Variants in RNF212 observed in about 807,000 individuals in gnomAD.
RNF212 encodes ring finger protein 212.
A neutral mutation model predicts 34.7 loss-of-function variants in RNF212; 33 were observed. The observed-to-expected ratio is 0.95, with a 90% CI of 0.72 to 1.27. RNF212 has a LOEUF of 1.27. RNF212 is among the 50% of genes most tolerant of loss of function. The pLI is 0.00. For missense variants in RNF212, 377 were observed against 362.2 expected (o/e 1.04, Z -0.33); for synonymous variants, 140 against 136.1 (o/e 1.03, Z -0.20).
At chr4:1,079,530 T>C (rs1719980843) in intron 8 of RNF212, 113 bp downstream of exon 8, 2 of 792,020 alleles carry the variant, frequency 2.5e-6, no homozygotes, top group East Asian at 2.4e-5. Flanking sequence ...GCAGCAGCAC[T>C]GTGCAAAGTC....
intron 3 of RNF212, among the ~76,000 whole-genome samples, chr4:1,060,033 A>C (rs1320692548): frequency 6.9e-6 from 1 of 145,394 alleles, no homozygotes; most frequent in East Asian, 2.1e-4. Context: ...GGCGGAGGTT[A>C]GGTTGCAGTG....
chr4:1,101,741 T>C (rs1190491889), intron 2 of RNF212, among the ~76,000 whole-genome samples: 3 of 152,222 alleles, frequency 2.0e-5, no homozygotes. Flanking sequence ...GGCCCCATTA[T>C]GTTTCACCTT....
chr4:1,104,779 A>G lies in RNF212; in HGVS notation c.171+3564T>C, dbSNP rs955450708. Among the ~76,000 whole-genome samples, 7 of 152,230 alleles carry G rather than the reference A, an allele frequency of 4.6e-5. No homozygotes were observed. In the East Asian group the frequency reaches 5.8e-4, roughly 13 times the overall value. On this transcript the variant is annotated intron_variant, in intron 2 of 9. Transcript: ENST00000433731. ...CCCTCGGGTCCCGATTTGGCCTGCA[A>G]TCTATGAGCTAGAAAGACAATGAAC...
At position 1,058,077 on chromosome 4, in the gene RNF212, A is replaced by G. The variant is rs932223477; in HGVS notation, n.220+244T>C. Among the ~76,000 whole-genome samples, 11 of 152,282 alleles carry G rather than the reference A, an allele frequency of 7.2e-5. No individual in the cohort carries two copies. In the South Asian group the frequency reaches 8.3e-4, roughly 11 times the overall value. ...GACTCCGGCTAAAAAAAAAAAAAGC[A>G]AACTCTAAAGTGGTATATACAACAA... On this transcript the variant is annotated intron_variant and non_coding_transcript_variant, in intron 4 of 4. Coordinates refer to the RNF212 transcript ENST00000503206.
intron 1 of RNF212, among the ~76,000 whole-genome samples, chr4:1,109,256 C>T (rs540401425): frequency 1.3e-5 from 2 of 152,182 alleles, no homozygotes; most frequent in Non-Finnish European, 2.9e-5. Context: ...GATCAGCCCA[C>T]ATCGGTCTCT....
downstream of RNF212, among the ~76,000 whole-genome samples, chr4:1,067,974 C>G (rs1201521629): frequency 6.6e-6 from 1 of 151,980 alleles, no homozygotes; most frequent in Non-Finnish European, 1.5e-5. Context: ...TAAAGAAGCT[C>G]TAATCAATGG....
chr4:1,097,440 T>G (rs931566869), intron 2 of RNF212, among the ~76,000 whole-genome samples: 1 of 151,310 alleles, frequency 6.6e-6, no homozygotes, highest in Admixed American at 6.6e-5. Flanking sequence ...CCGTCTCTAC[T>G]AAAAATATAA....
intron 4 of RNF212, among the ~76,000 whole-genome samples, chr4:1,057,917 C>A (rs767451517): frequency 6.6e-6 from 1 of 152,084 alleles, no homozygotes; most frequent in Non-Finnish European, 1.5e-5. Flanking sequence ...CAAAATTAGC[C>A]GAGTGTGGTG....
chr4:1,113,663 G>A, upstream of RNF212: 2 of 478,522 alleles, frequency 4.2e-6, no homozygotes, highest in South Asian at 5.9e-5. Flanking sequence ...GAGGGCGCGT[G>A]TGACTCGTCT....
At chr4:1,100,294 CCAA>C (rs1181136936) in intron 2 of RNF212, 3 of 230,932 alleles carry the variant, frequency 1.3e-5, no homozygotes, top group South Asian at 6.2e-5. Flanking sequence ...CAGATCCATT[CCAA>C]CAACACTGAA....
chr4:1,106,025 A>C (rs1289268538), intron 2 of RNF212, among the ~76,000 whole-genome samples: 3 of 152,354 alleles, frequency 2.0e-5, no homozygotes, highest in South Asian at 2.1e-4. Flanking sequence ...TTACTCCTGG[A>C]AAGTTGGGAT....
At chr4:1,095,583 A>G (rs1722948775) in intron 3 of RNF212, among the ~76,000 whole-genome samples, 1 of 95,368 alleles carries the variant, frequency 1.0e-5, no homozygotes, top group African/African-American at 6.5e-5. Context: ...CCACAGCTCC[A>G]TGGTCTCAGC....
At chr4:1,064,168 G>A (rs994848092) in intron 3 of RNF212, among the ~76,000 whole-genome samples, 7 of 152,102 alleles carry the variant, frequency 4.6e-5, no homozygotes, top group African/African-American at 1.2e-4. Flanking sequence ...AGGAAATAAT[G>A]ACAACACCAT....
At chr4:1,110,285 A>C (rs1347669624) in intron 1 of RNF212, among the ~76,000 whole-genome samples, 1 of 152,202 alleles carries the variant, frequency 6.6e-6, no homozygotes, top group Admixed American at 6.5e-5. Context: ...AACAGCCAAT[A>C]AACACACAAA....
chr4:1,099,309 C>T (rs1422061020), intron 2 of RNF212, among the ~76,000 whole-genome samples: 1 of 152,182 alleles, frequency 6.6e-6, no homozygotes, highest in Non-Finnish European at 1.5e-5. Context: ...AACAGCCCAG[C>T]ACTAAAATAA....
In RNF212 at chr4:1,106,011, G is replaced by A. The variant is rs529321339; in HGVS notation, c.171+2332C>T. On this transcript the variant is annotated intron_variant, in intron 2 of 9. Transcript: ENST00000433731. ...GGGCCTACATGCATGGGGGACTTTG[G>A]CGCTTACTCCTGGAAAGTTGGGATG... Among the ~76,000 whole-genome samples, 104 of 152,354 alleles carry A rather than the reference G, an allele frequency of 6.8e-4. No homozygotes were observed. In the Middle Eastern group the frequency reaches 0.014, roughly 20 times the overall value.
Position 1,079,369 on chromosome 4 carries a change from T to G in RNF212, c.510+274A>C, listed in dbSNP as rs35484312. On this transcript the variant is annotated intron_variant, in intron 8 of 9. Coordinates refer to ENST00000433731, the MANE Select transcript of RNF212 (RefSeq NM_001131034.4). ...AACAACACAGGAACAACACAGAACC[T>G]GCATGGGACCCTGCCAACACCTCGT... 3.4e-4 allele frequency among the ~76,000 whole-genome samples: 52 copies of G among 152,366 alleles called. No individual in the cohort carries two copies. The East Asian group carries it at 9.1e-3, about 27-fold the overall frequency.
chr4:1,062,840 A>G (rs1263824389), intron 3 of RNF212, among the ~76,000 whole-genome samples: 1 of 152,252 alleles, frequency 6.6e-6, no homozygotes. Flanking sequence ...AAATCCCCAG[A>G]GCTCATAAAC....
rs561300855 is a variant in RNF212, at chr4:1,093,346, C to T, written c.247-2508G>A. 3.4e-5 allele frequency: 37 copies of T among 1,098,998 alleles called. 1 individual carries two copies. The South Asian group carries it at 6.1e-4, about 18-fold the overall frequency. 68.1% of individuals were successfully genotyped at this position (1,098,998 alleles called of 1,614,324 possible). A position where few individuals can be genotyped will look rare whatever the true frequency, so the allele number is the denominator to read the frequency against. On this transcript the variant is annotated intron_variant, in intron 3 of 9. Transcript: ENST00000433731. ...TATTTATTAATTCATTTAAAAATAA[C>T]AATAAATCCATGATGTGTTAACATA...
Sources: gnomAD v4.1 joint callset for allele counts (sites outside exome capture counted in the v4.1 genomes callset) on GRCh38, gnomAD v4.1.1 for gene constraint, MANE v1.5 for transcripts, NCBI Gene and HGNC (gene_info 2026-07-23, HGNC 2026-07-21) for gene names.